RBFOX1: variants seen among roughly 807,000 people sequenced by gnomAD.
RBFOX1 encodes the protein RNA binding fox-1 homolog 1.
A neutral mutation model predicts 57.7 loss-of-function variants in RBFOX1; 8 were observed. The observed-to-expected ratio is 0.14, with a 90% CI of 0.08 to 0.25. The LOEUF is 0.25. RBFOX1 is among the 10% of genes least tolerant of loss of function. The pLI is 1.00. For missense variants in RBFOX1, 611 were observed against 548.5 expected (o/e 1.11, Z -1.14); for synonymous variants, 326 against 222.4 (o/e 1.47, Z -4.15).
chr16:5,718,421 G>A (rs565960388), intron 3 of RBFOX1, among the ~76,000 whole-genome samples: 1 of 152,248 alleles, frequency 6.6e-6, no homozygotes, highest in South Asian at 2.1e-4. Context: ...ACTGAGTTTT[G>A]GTGTGGTTTG....
At chr16:6,576,360 C>A (rs1219606122) in intron 2 of RBFOX1, among the ~76,000 whole-genome samples, 1 of 152,136 alleles carries the variant, frequency 6.6e-6, no homozygotes, top group Non-Finnish European at 1.5e-5. Context: ...AACCGGAGTA[C>A]CCGGAGAAAA....
intron 2 of RBFOX1, among the ~76,000 whole-genome samples, chr16:5,468,808 T>C (rs752100780): frequency 8.5e-5 from 13 of 152,218 alleles, no homozygotes; most frequent in Non-Finnish European, 1.8e-4. Flanking sequence ...TGTGCTGACA[T>C]TGGCTGGTTT....
chr16:5,852,213 C>G (rs753071786), intron 3 of RBFOX1, among the ~76,000 whole-genome samples: 5 of 152,134 alleles, frequency 3.3e-5, no homozygotes, highest in Non-Finnish European at 7.3e-5. Context: ...GTTCATGCCT[C>G]CTAGCCTTTG....
intron 2 of RBFOX1, among the ~76,000 whole-genome samples, chr16:6,526,046 G>T (rs950881865): frequency 2.0e-5 from 3 of 152,178 alleles, no homozygotes; most frequent in Non-Finnish European, 4.4e-5. Flanking sequence ...CTTGGAAATG[G>T]TGTTCTCATC....
At chr16:6,707,576 A>G (rs1282343398) in intron 3 of RBFOX1, among the ~76,000 whole-genome samples, 1 of 149,516 alleles carries the variant, frequency 6.7e-6, no homozygotes, top group African/African-American at 2.5e-5. Flanking sequence ...ATCAACCCCA[A>G]GAAGGATTGA....
chr16:7,195,035 C>A (rs534008662), intron 4 of RBFOX1, among the ~76,000 whole-genome samples: 30 of 140,144 alleles, frequency 2.1e-4, no homozygotes, highest in African/African-American at 7.6e-4. Context: ...GTTTATTGTT[C>A]TTCTAATTCT....
intron 4 of RBFOX1, among the ~76,000 whole-genome samples, chr16:5,931,280 A>T (rs2059051857): frequency 6.6e-6 from 1 of 152,176 alleles, no homozygotes; most frequent in South Asian, 2.1e-4. Context: ...CCTATTGACC[A>T]CCATGGGTCA....
chr16:7,223,324 C>T (rs890041642), intron 4 of RBFOX1, among the ~76,000 whole-genome samples: 9 of 152,164 alleles, frequency 5.9e-5, no homozygotes, highest in Non-Finnish European at 1.2e-4. Context: ...ATGATTTTTC[C>T]GTGAGGATAG....
intron 3 of RBFOX1, among the ~76,000 whole-genome samples, chr16:5,852,841 A>T (rs1207788484): frequency 6.6e-6 from 1 of 151,930 alleles, no homozygotes. Context: ...AAGGGGAAAA[A>T]AAAGGATTTG....
intron 2 of RBFOX1, among the ~76,000 whole-genome samples, chr16:6,607,887 ACCT>A (rs1197384145): frequency 6.6e-6 from 1 of 151,982 alleles, no homozygotes; most frequent in Non-Finnish European, 1.5e-5. Flanking sequence ...TTGTCCACAA[ACCT>A]CCTTGTTTCT....
chr16:5,749,017 C>G (rs971066232), intron 3 of RBFOX1, among the ~76,000 whole-genome samples: 1 of 152,118 alleles, frequency 6.6e-6, no homozygotes, highest in African/African-American at 2.4e-5. Context: ...ATCGGTTGTT[C>G]TTTTCCATGT....
chr16:6,239,483 C>T (rs2097528239), intron 1 of RBFOX1, among the ~76,000 whole-genome samples: 1 of 102,164 alleles, frequency 9.8e-6, no homozygotes, highest in African/African-American at 3.5e-5. Flanking sequence ...CTCCAACTGA[C>T]TCTTTTTTTT....
intron 2 of RBFOX1, among the ~76,000 whole-genome samples, chr16:6,432,004 A>C (rs1029087815): frequency 6.7e-6 from 1 of 149,576 alleles, no homozygotes; most frequent in Non-Finnish European, 1.5e-5. Flanking sequence ...TTCTATCACC[A>C]AGGCTGTAGT....
At chr16:5,686,607 A>G (rs1596752920) in intron 3 of RBFOX1, among the ~76,000 whole-genome samples, 1 of 152,186 alleles carries the variant, frequency 6.6e-6, no homozygotes, top group East Asian at 1.9e-4. Context: ...GTGTTTGACT[A>G]CTGCCTCCCC....
At chr16:6,011,934 T>C (rs1342101061) in intron 4 of RBFOX1, among the ~76,000 whole-genome samples, 1 of 152,214 alleles carries the variant, frequency 6.6e-6, no homozygotes, top group Non-Finnish European at 1.5e-5. Context: ...AGGAGTGAAC[T>C]ACAATATTTG....
At chr16:6,767,555 C>T (rs889013712) in intron 3 of RBFOX1, among the ~76,000 whole-genome samples, 1 of 152,084 alleles carries the variant, frequency 6.6e-6, no homozygotes, top group African/African-American at 2.4e-5. Context: ...CTGATGAATA[C>T]AATAATGTCA....
intron 3 of RBFOX1, among the ~76,000 whole-genome samples, chr16:6,813,142 C>T (rs1476042984): frequency 6.6e-6 from 1 of 151,804 alleles, no homozygotes; most frequent in Admixed American, 6.6e-5. Context: ...CAGGCCTCAC[C>T]TTTGTATGGT....
chr16:7,346,176 C>T (rs2096999765), intron 4 of RBFOX1, among the ~76,000 whole-genome samples: 1 of 152,106 alleles, frequency 6.6e-6, no homozygotes, highest in South Asian at 2.1e-4. Flanking sequence ...TTTATGGATG[C>T]ATAGTATTCC....
At chr16:5,710,123 G>A (rs2051430349) in intron 3 of RBFOX1, among the ~76,000 whole-genome samples, 1 of 151,702 alleles carries the variant, frequency 6.6e-6, no homozygotes. Context: ...ATGCATGTGA[G>A]AGATTATAAG....
Sources: gnomAD v4.1 joint callset for allele counts (sites outside exome capture counted in the v4.1 genomes callset) on GRCh38, gnomAD v4.1.1 for gene constraint, MANE v1.5 for transcripts, NCBI Gene and HGNC (gene_info 2026-07-23, HGNC 2026-07-21) for gene names.